The following CHN1 variants were observed in gnomAD, a reference collection of about 807,000 sequenced individuals.
The protein encoded by CHN1 is chimerin 1.
A neutral mutation model predicts 59.5 loss-of-function variants in CHN1; 37 were observed. The observed-to-expected ratio is 0.62, with a 90% CI of 0.48 to 0.82. The LOEUF (loss-of-function observed/expected upper bound fraction) is 0.82, where lower values mean the gene tolerates loss of function less well. CHN1 is among the 40% of genes least tolerant of loss of function. The pLI, the probability that CHN1 is intolerant of heterozygous loss-of-function variation, is 0.00. For synonymous variants in CHN1, 206 were observed against 200.4 expected (o/e 1.03, Z -0.24); for missense variants, 469 against 571.0 (o/e 0.82, Z 1.82).
At chr2:174,819,803 A>G (rs1685417717) in intron 8 of CHN1, among the ~76,000 whole-genome samples, 1 of 129,184 alleles carries the variant, frequency 7.7e-6, no homozygotes, top group African/African-American at 2.9e-5. Context: ...TCCTAATGCT[A>G]TCCCTCCCCC....
chr2:174,968,682 A>C (rs1277647083), intron 1 of CHN1, among the ~76,000 whole-genome samples: 1 of 152,264 alleles, frequency 6.6e-6, no homozygotes, highest in African/African-American at 2.4e-5. Flanking sequence ...ACTTGCATGC[A>C]ACAAGGCCTA....
chr2:174,939,774 G>T (rs1689601971), intron 3 of CHN1, among the ~76,000 whole-genome samples: 1 of 151,986 alleles, frequency 6.6e-6, no homozygotes, highest in South Asian at 2.1e-4. Flanking sequence ...AGCAATGAAA[G>T]GCAATAATCA....
At chr2:174,853,621 A>G (rs1281067228) in intron 6 of CHN1, among the ~76,000 whole-genome samples, 4 of 152,216 alleles carry the variant, frequency 2.6e-5, no homozygotes, top group Non-Finnish European at 4.4e-5. Flanking sequence ...AAAACAGATC[A>G]TTATACCAAA....
intron 1 of CHN1, among the ~76,000 whole-genome samples, chr2:174,977,715 T>C (rs2105445898): frequency 6.6e-6 from 1 of 152,288 alleles, no homozygotes; most frequent in Non-Finnish European, 1.5e-5. Flanking sequence ...AGTGGCAAAA[T>C]GTTTCAGGAT....
chr2:174,814,245 A>C (rs746167363), intron 8 of CHN1, among the ~76,000 whole-genome samples: 2 of 152,166 alleles, frequency 1.3e-5, no homozygotes, highest in Non-Finnish European at 2.9e-5. Flanking sequence ...ACCCCTAAGG[A>C]ATGTCAGCTT....
chr2:174,808,730 G>A (rs1036307438), intron 11 of CHN1, among the ~76,000 whole-genome samples, 175 bp downstream of exon 11: 5 of 152,192 alleles, frequency 3.3e-5, no homozygotes, highest in African/African-American at 1.2e-4. Flanking sequence ...ATGGTATTAA[G>A]TCATAAAATA....
chr2:174,838,726 T>C (rs2105422640), intron 7 of CHN1, among the ~76,000 whole-genome samples: 1 of 152,062 alleles, frequency 6.6e-6, no homozygotes, highest in East Asian at 1.9e-4. Flanking sequence ...ATATTAAGAA[T>C]TTTACAGGCC....
At chr2:174,944,675 A>T (rs186100809) in intron 3 of CHN1, among the ~76,000 whole-genome samples, 15 of 152,366 alleles carry the variant, frequency 9.8e-5, no homozygotes, top group Admixed American at 9.1e-4. Flanking sequence ...CTATATGGTC[A>T]TATTCTATAC....
intron 1 of CHN1, among the ~76,000 whole-genome samples, chr2:174,994,436 C>T (rs1012001393): frequency 6.6e-6 from 1 of 152,152 alleles, no homozygotes; most frequent in Non-Finnish European, 1.5e-5. Flanking sequence ...TCCATAACAT[C>T]CAACATTTAT....
rs1692029153 is a variant in CHN1 at position 175,005,227 on chromosome 2, C to CGCGGCGCAGTGGCTGGCGGAGAGGCG, written c.-341_-316dup. ...GTACCTGCGAGGCAGGAGGCTTGGC[C>CGCGGCGCAGTGGCTGGCGGAGAGGCG]GCGGCGCAGTGGCTGGCGGAGAGGC... On this transcript the variant is annotated 5_prime_UTR_variant, in exon 1 of 13. The change abolishes the stop of an existing upstream ORF in the 5' untranslated region. Coordinates refer to ENST00000409900, the MANE Select transcript of CHN1 (RefSeq NM_001822.7). 1 of 1,195,672 alleles carries CGCGGCGCAGTGGCTGGCGGAGAGGCG rather than the reference C, an allele frequency of 8.4e-7. No homozygotes were observed. Among genetic ancestry groups the CGCGGCGCAGTGGCTGGCGGAGAGGCG allele is most frequent in the Non-Finnish European group, 1.0e-6 (1 of 962,250 alleles). 74.1% of individuals were successfully genotyped at this position (1,195,672 alleles called of 1,614,324 possible). A position where few individuals can be genotyped will look rare whatever the true frequency, so the allele number is the denominator to read the frequency against.
chr2:174,812,599 G>A, intron 8 of CHN1, 117 bp from the exon 9 acceptor site: 1 of 772,312 alleles, frequency 1.3e-6, no homozygotes, highest in Admixed American at 2.7e-5. Context: ...AAGTGGACTA[G>A]ACTCCAGCAG....
intron 1 of CHN1, among the ~76,000 whole-genome samples, chr2:174,955,541 G>T (rs375479573): frequency 1.3e-5 from 2 of 152,026 alleles, no homozygotes; most frequent in African/African-American, 4.8e-5. Flanking sequence ...AGTGTACAAT[G>T]CTCGGGTGAT....
chr2:174,836,576 T>A (rs767959522), intron 7 of CHN1, among the ~76,000 whole-genome samples: 4 of 152,224 alleles, frequency 2.6e-5, no homozygotes, highest in Admixed American at 6.5e-5. Context: ...ACTGTCATAT[T>A]CAGTAGGCTG....
intron 1 of CHN1, among the ~76,000 whole-genome samples, chr2:174,999,992 C>T (rs1025315583): frequency 1.3e-5 from 2 of 152,174 alleles, no homozygotes; most frequent in African/African-American, 2.4e-5. Flanking sequence ...CATTCCTCTA[C>T]AGTGTACACA....
At chr2:174,968,605 CTTGT>C (rs1380597404) in intron 1 of CHN1, among the ~76,000 whole-genome samples, 3 of 152,238 alleles carry the variant, frequency 2.0e-5, no homozygotes, top group African/African-American at 7.2e-5. Flanking sequence ...TTGATAGGTA[CTTGT>C]TTTTCTTCCT....
chr2:174,862,407 A>G (rs1421821318), intron 6 of CHN1, among the ~76,000 whole-genome samples: 2 of 150,526 alleles, frequency 1.3e-5, no homozygotes, highest in Non-Finnish European at 1.5e-5. Context: ...ATCTTGGCTC[A>G]CTGCAACCTC....
At chr2:174,908,971 T>G (rs1381015432) in intron 5 of CHN1, among the ~76,000 whole-genome samples, 1 of 152,216 alleles carries the variant, frequency 6.6e-6, no homozygotes, top group Non-Finnish European at 1.5e-5. Context: ...GGAAAACATT[T>G]CAAATCAAAT....
chr2:174,899,145 T>C (rs1184887824), intron 5 of CHN1, among the ~76,000 whole-genome samples: 1 of 151,862 alleles, frequency 6.6e-6, no homozygotes, highest in Non-Finnish European at 1.5e-5. Flanking sequence ...TAGATTCTTT[T>C]TGAATGAAAA....
In CHN1 at chr2:175,000,839, C is replaced by A. The variant is rs576375156; in HGVS notation, c.19+4055G>T. ...AGCTCAAGTGATCCTCCAGCCTAGGCCCCCCAAAGTGCCAGGAGGCATGGG... is the reference window on the plus strand; with the variant it reads ...AGCTCAAGTGATCCTCCAGCCTAGGACCCCCAAAGTGCCAGGAGGCATGGG... On this transcript the variant is annotated intron_variant, in intron 1 of 12. Coordinates refer to ENST00000409900, the MANE Select transcript of CHN1 (RefSeq NM_001822.7). Among the ~76,000 whole-genome samples, 286 of 152,220 alleles carry A rather than the reference C, an allele frequency of 1.9e-3. 1 individual carries two copies. Among genetic ancestry groups the A allele is most frequent in the Middle Eastern group, 3.4e-3 (1 of 294 alleles).
Sources: allele counts gnomAD v4.1 joint callset (sites outside exome capture counted in the v4.1 genomes callset), GRCh38; gene constraint gnomAD v4.1.1; transcripts MANE v1.5; gene names NCBI Gene and HGNC (gene_info 2026-07-23, HGNC 2026-07-21).